The following UBE2D2 variants were observed in gnomAD, a reference collection of about 807,000 sequenced individuals.
UBE2D2 encodes the protein ubiquitin-conjugating enzyme E2 D2.
Under a neutral mutation model 24.2 loss-of-function variants are expected in UBE2D2, and 2 were observed. The observed-to-expected ratio is 0.08, with a 90% CI of 0.03 to 0.26. The LOEUF is 0.26. Among genes scored for constraint, UBE2D2 ranks in the 10% least tolerant of loss-of-function variants. The pLI is 1.00. For synonymous variants in UBE2D2, 58 were observed against 56.5 expected, an observed-to-expected ratio of 1.03 and a Z score of -0.12; for missense variants, 44 against 177.6, an observed-to-expected ratio of 0.25 and a Z score of 4.28.
intron 1 of UBE2D2, among the ~76,000 whole-genome samples, chr5:139,596,157 G>A (rs532261440): frequency 6.6e-6 from 1 of 151,954 alleles, no homozygotes. Context: ...CTCCCAAAGT[G>A]CTGGGATTAC....
chr5:139,550,721 G>A (rs1274253362), intron 1 of UBE2D2, among the ~76,000 whole-genome samples: 4 of 150,494 alleles, frequency 2.7e-5, no homozygotes, highest in South Asian at 4.2e-4. Flanking sequence ...GGAGGAATGA[G>A]TAACTCCAGA....
At chr5:139,599,464 C>A (rs972412371) in intron 1 of UBE2D2, 7 of 151,902 alleles carry the variant, frequency 4.6e-5, no homozygotes, top group African/African-American at 1.4e-4. Context: ...TGGCCAGGCG[C>A]GGTGGCTCAC....
At chr5:139,555,894 C>T (rs1752975339) in intron 1 of UBE2D2, among the ~76,000 whole-genome samples, 1 of 129,218 alleles carries the variant, frequency 7.7e-6, no homozygotes. Context: ...CCACTGCACT[C>T]CAGCCTGGTG....
intron 1 of UBE2D2, among the ~76,000 whole-genome samples, chr5:139,551,724 A>G (rs1752923353): frequency 1.3e-5 from 2 of 152,198 alleles, no homozygotes; most frequent in Non-Finnish European, 2.9e-5. Flanking sequence ...AACAATCACA[A>G]TCAAGTGTGA....
intron 1 of UBE2D2, among the ~76,000 whole-genome samples, chr5:139,588,315 G>T (rs1380408179): frequency 6.6e-6 from 1 of 151,552 alleles, no homozygotes; most frequent in Non-Finnish European, 1.5e-5. Flanking sequence ...GCCCAGGCTG[G>T]AGTGGAGTGG....
chr5:139,567,145 G>A (rs1753241936), intron 1 of UBE2D2, among the ~76,000 whole-genome samples: 1 of 152,142 alleles, frequency 6.6e-6, no homozygotes, highest in African/African-American at 2.4e-5. Context: ...TGTCGCCCAG[G>A]CTGGAGTGCA....
At chr5:139,533,685 T>C (rs1752626880) in intron 1 of UBE2D2, among the ~76,000 whole-genome samples, 1 of 149,992 alleles carries the variant, frequency 6.7e-6, no homozygotes, top group African/African-American at 2.4e-5. Context: ...AAGAAAAGGA[T>C]TGATAAATTG....
rs535531984 is a variant in UBE2D2 at position 139,592,094 on chromosome 5, C to T, written c.25-8278C>T. ...GCGGGCGCCTGTAATCCCAGCTACTCGGGAGGCTGAGGCAGGAGAATTGCT... is the reference window on the plus strand; with the variant it reads ...GCGGGCGCCTGTAATCCCAGCTACTTGGGAGGCTGAGGCAGGAGAATTGCT... On this transcript the variant is annotated intron_variant, in intron 1 of 6. Coordinates refer to ENST00000398733, the MANE Select transcript of UBE2D2 (RefSeq NM_003339.3). Among the ~76,000 whole-genome samples, 7 of 152,074 alleles carry T rather than the reference C, an allele frequency of 4.6e-5. No individual in the cohort carries two copies. The East Asian group carries it at 1.4e-3, about 29-fold the overall frequency.
intron 1 of UBE2D2, among the ~76,000 whole-genome samples, chr5:139,548,184 TA>T (rs1420608616): frequency 5.3e-4 from 25 of 46,884 alleles, no homozygotes; most frequent in Middle Eastern, 0.01. Flanking sequence ...AAAAAAAAAA[TA>T]AAAAAAAAAA....
chr5:139,589,267 A>G (rs1753793472), intron 1 of UBE2D2, among the ~76,000 whole-genome samples: 1 of 152,146 alleles, frequency 6.6e-6, no homozygotes, highest in South Asian at 2.1e-4. Context: ...TCTTAAAGAA[A>G]AAAAAAATAG....
chr5:139,537,363 TTTA>T (rs1752696954), intron 1 of UBE2D2, among the ~76,000 whole-genome samples: 1 of 152,198 alleles, frequency 6.6e-6, no homozygotes, highest in Admixed American at 6.5e-5. Flanking sequence ...TTTTAACAGC[TTTA>T]TTGAGATAAA....
chr5:139,593,478 ATTTTAATATATG>A (rs1753889314), intron 1 of UBE2D2, among the ~76,000 whole-genome samples: 1 of 152,122 alleles, frequency 6.6e-6, no homozygotes, highest in Non-Finnish European at 1.5e-5. Flanking sequence ...ATACATACAT[ATTTTAATATATG>A]TTTTAATATG....
chr5:139,583,462 TG>T (rs989957310), intron 1 of UBE2D2, among the ~76,000 whole-genome samples: 1 of 152,184 alleles, frequency 6.6e-6, no homozygotes, highest in African/African-American at 2.4e-5. Flanking sequence ...TATACAATTT[TG>T]TCAATTTAAA....
At chr5:139,607,674 G>A (rs1754227669) in intron 2 of UBE2D2, among the ~76,000 whole-genome samples, 1 of 152,172 alleles carries the variant, frequency 6.6e-6, no homozygotes, top group Non-Finnish European at 1.5e-5. Context: ...GATTACAGAT[G>A]AGATCATCTA....
At chr5:139,565,013 A>G (rs1007587680) in intron 1 of UBE2D2, among the ~76,000 whole-genome samples, 3 of 152,178 alleles carry the variant, frequency 2.0e-5, no homozygotes, top group South Asian at 4.1e-4. Context: ...CTTCTGTCCT[A>G]GTAATGTGTC....
intron 2 of UBE2D2, 124 bp downstream of exon 2, chr5:139,600,559 A>G (rs1321173477): frequency 8.4e-6 from 7 of 837,012 alleles, no homozygotes; most frequent in Non-Finnish European, 9.4e-6. Flanking sequence ...GAGCAACTCT[A>G]TGTTCATCCC....
chr5:139,600,639 C>T (rs1047688604), intron 2 of UBE2D2, among the ~76,000 whole-genome samples: 4 of 152,132 alleles, frequency 2.6e-5, no homozygotes, highest in Non-Finnish European at 5.9e-5. Context: ...TGTTCTAGTC[C>T]TCTCCTACCT....
Position 139,562,638 on chromosome 5 carries a change from T to C in UBE2D2, c.24+823T>C, listed in dbSNP as rs534953953. Among the ~76,000 whole-genome samples the C allele has an allele frequency of 2.6e-5, 4 of 152,316 alleles. No homozygotes were observed. The East Asian group carries it at 7.7e-4, about 29-fold the overall frequency. On this transcript the variant is annotated intron_variant, in intron 1 of 6. Transcript: ENST00000398733. Reference sequence around the variant, plus strand: ...ATGGACTTGACGCTATTAGGTGATATGTTTACCGAGACTCTTAACTGGGAA... The same window carrying C: ...ATGGACTTGACGCTATTAGGTGATACGTTTACCGAGACTCTTAACTGGGAA...
At chr5:139,558,433 G>A (rs1753008892), upstream of UBE2D2, among the ~76,000 whole-genome samples, 1 of 152,142 alleles carries the variant, frequency 6.6e-6, no homozygotes, top group South Asian at 2.1e-4. Flanking sequence ...GACTACAGGC[G>A]CCCGCCAACC....
Sources: gnomAD v4.1 joint callset for allele counts (sites outside exome capture counted in the v4.1 genomes callset) on GRCh38, gnomAD v4.1.1 for gene constraint, MANE v1.5 for transcripts, NCBI Gene and HGNC (gene_info 2026-07-23, HGNC 2026-07-21) for gene names.